Variants in PCDHGB1 observed in about 807,000 individuals in gnomAD.
The protein encoded by PCDHGB1 is protocadherin gamma subfamily B, 1, also known as protocadherin gamma-B1.
PCDHGB1 carries 34 observed loss-of-function variants against 56.6 expected under a neutral mutation model. That is an observed-to-expected ratio of 0.60 (90% CI 0.46 to 0.80). The LOEUF (loss-of-function observed/expected upper bound fraction) is 0.80, where lower values mean the gene tolerates loss of function less well. Ranked by LOEUF, PCDHGB1 falls within the 30% of genes least tolerant of loss-of-function variation. The pLI, the probability that PCDHGB1 is intolerant of heterozygous loss-of-function variation, is 0.00. For missense variants in PCDHGB1, 1,278 were observed against 1,204.6 expected, an observed-to-expected ratio of 1.06 and a Z score of -0.90; for synonymous variants, 561 against 505.9, an observed-to-expected ratio of 1.11 and a Z score of -1.46.
Position 141,351,209 on chromosome 5 carries a change from G to A in PCDHGB1, c.949G>A (p.Ala317Thr), listed in dbSNP as rs764944772. 1 of 1,614,032 alleles carries A rather than the reference G, an allele frequency of 6.2e-7. No homozygotes were observed. The highest frequency in any genetic ancestry group is 8.5e-7 in the Non-Finnish European group (1 of 1,179,896). ...ETSRYVLSVE[A>T]KDGGVHTAHC... is the part of the protein sequence containing the mutation. ...AAGTAGATATGTGTTGAGTGTGGAA[G>A]CTAAGGATGGAGGAGTACACACAGC... is the stretch of plus-strand genomic sequence containing the variant. The change falls in exon 1 of 4, where the codon GCT becomes ACT. Residue 317 changes from alanine (A) to threonine (T), a missense_variant. By Grantham distance (58) the Ala-to-Thr change is moderately conservative. Transcript: ENST00000523390.
chr5:141,477,656 C>A lies in PCDHGB1; in HGVS notation c.2410-17151C>A. ...AGTGGGTCGCTATTTCACAATAAAT[C>A]GTGACAATGGCATAGTGTCATCCTT... On this transcript the variant is annotated intron_variant, in intron 1 of 3. Transcript: ENST00000523390. The surrounding 1 kb of genome is among the most constrained non-coding windows in gnomAD (Gnocchi z 4.9). 1 of 1,614,184 alleles carries A rather than the reference C, an allele frequency of 6.2e-7. No homozygotes were observed.
At chr5:141,402,962 C>A (rs1482027682) in intron 1 of PCDHGB1, 2 of 1,604,618 alleles carry the variant, frequency 1.2e-6, no homozygotes, top group African/African-American at 2.7e-5. Flanking sequence ...AATGGCAGCT[C>A]CAACCAAATG....
chr5:141,361,244 A>C, intron 1 of PCDHGB1: 1 of 1,613,994 alleles, frequency 6.2e-7, no homozygotes, highest in Non-Finnish European at 8.5e-7. Flanking sequence ...GCCTTGATAA[A>C]AACGAGAGAC....
Position 141,423,666 on chromosome 5 carries a change from AT to A in PCDHGB1, c.2409+71000del, listed in dbSNP as rs1184681047. 2.7e-6 allele frequency: 4 copies of A among 1,494,382 alleles called. No individual in the cohort carries two copies. The South Asian group carries it at 5.0e-5, about 19-fold the overall frequency. The allele number at this position is 1,494,382 out of a possible 1,614,324, so 92.6% of individuals were successfully genotyped here. A position where few individuals can be genotyped will look rare whatever the true frequency, so the allele number is the denominator to read the frequency against. ...GTGACCCGACAAGTAATCAGGTGAGATTTATTTCTCTGCCTCCTAATTGTTG... is the reference window on the plus strand; with the variant it reads ...GTGACCCGACAAGTAATCAGGTGAGATTATTTCTCTGCCTCCTAATTGTTG... On this transcript the variant is annotated intron_variant, in intron 1 of 3. Coordinates refer to ENST00000523390, the MANE Select transcript of PCDHGB1 (RefSeq NM_018922.3).
intron 1 of PCDHGB1, chr5:141,361,499 C>G: frequency 6.2e-7 from 1 of 1,614,066 alleles, no homozygotes; most frequent in Non-Finnish European, 8.5e-7. Flanking sequence ...TTCCAACAGA[C>G]TTCCTACATG....
Position 141,490,526 on chromosome 5 carries a change from C to T in PCDHGB1, c.2410-4281C>T, listed in dbSNP as rs1270447529. 6.2e-7 allele frequency: 1 copy of T among 1,614,116 alleles called. No homozygotes were observed. Among genetic ancestry groups the T allele is most frequent in the Non-Finnish European group, 8.5e-7 (1 of 1,180,008 alleles). ...ATCATCGAGCTGCTGGCCAGCGATGCTGGTTCACCTTCCCTACACAAACAT... is the reference window on the plus strand; with the variant it reads ...ATCATCGAGCTGCTGGCCAGCGATGTTGGTTCACCTTCCCTACACAAACAT... On this transcript the variant is annotated intron_variant, in intron 1 of 3. Coordinates refer to ENST00000523390, the MANE Select transcript of PCDHGB1 (RefSeq NM_018922.3). The surrounding 1 kb of genome is among the most constrained non-coding windows in gnomAD (Gnocchi z 5.4).
At chr5:141,410,182 T>G in intron 1 of PCDHGB1, 1 of 1,613,868 alleles carries the variant, frequency 6.2e-7, no homozygotes, top group Non-Finnish European at 8.5e-7. Flanking sequence ...CCGCCACGCT[T>G]CATCTGGTCT....
intron 1 of PCDHGB1, chr5:141,375,441 C>G (rs904228732): frequency 6.2e-7 from 1 of 1,614,030 alleles, no homozygotes. Context: ...CCCACCTTCC[C>G]CCATTCATCC....
intron 1 of PCDHGB1, among the ~76,000 whole-genome samples, chr5:141,434,630 A>G (rs2097706465): frequency 6.6e-6 from 1 of 152,106 alleles, no homozygotes; most frequent in African/African-American, 2.4e-5. Flanking sequence ...CGTTTCCCAT[A>G]AGGGATACTT....
chr5:141,433,236 C>G, intron 1 of PCDHGB1: 2 of 1,501,160 alleles, frequency 1.3e-6, no homozygotes, highest in South Asian at 1.3e-5. Flanking sequence ...CTCTGTCTCC[C>G]AAGCTGGAAT....
intron 1 of PCDHGB1, chr5:141,416,406 T>C (rs2096021956): frequency 6.6e-6 from 1 of 152,224 alleles, no homozygotes; most frequent in Non-Finnish European, 1.5e-5. Flanking sequence ...TTGTCTTTTT[T>C]GTTAAATTTT....
chr5:141,510,833 C>T (rs2099882936), intron 3 of PCDHGB1, 114 bp from the exon 4 acceptor site: 46 of 1,577,678 alleles, frequency 2.9e-5, no homozygotes, highest in South Asian at 2.5e-4. Context: ...CAGTGCTCAG[C>T]GTGGTCAAGG....
chr5:141,399,469 T>G, intron 1 of PCDHGB1: 1 of 1,614,000 alleles, frequency 6.2e-7, no homozygotes. Flanking sequence ...CGCTCCGGTT[T>G]TCCACCAGGC....
At chr5:141,389,161 G>A (rs2091630816) in intron 1 of PCDHGB1, 1 of 1,613,878 alleles carries the variant, frequency 6.2e-7, no homozygotes, top group African/African-American at 1.3e-5. Flanking sequence ...ACAGATCGGG[G>A]CAAGCCTCCC....
intron 2 of PCDHGB1, among the ~76,000 whole-genome samples, chr5:141,502,253 T>C (rs1331834149): frequency 6.6e-6 from 1 of 152,232 alleles, no homozygotes; most frequent in South Asian, 2.1e-4. Context: ...TTTTTTTTAA[T>C]CCAGGATTTT....
chr5:141,486,816 C>G lies in PCDHGB1; in HGVS notation c.2410-7991C>G. The G allele has an allele frequency of 6.2e-7, 1 of 1,614,252 alleles. No individual in the cohort carries two copies. Among genetic ancestry groups the G allele is most frequent in the East Asian group, 2.2e-5 (1 of 44,884 alleles). ...CGGGGCAACCCACCCCTTAGCAGCACTGTAACAGTTCGTCTATTTGTGCTG... is the reference window on the plus strand; with the variant it reads ...CGGGGCAACCCACCCCTTAGCAGCAGTGTAACAGTTCGTCTATTTGTGCTG... On this transcript the variant is annotated intron_variant, in intron 1 of 3. Coordinates refer to ENST00000523390, the MANE Select transcript of PCDHGB1 (RefSeq NM_018922.3). The surrounding 1 kb of genome is among the most constrained non-coding windows in gnomAD (Gnocchi z 5.0).
chr5:141,410,540 G>C (rs1301173391), intron 1 of PCDHGB1: 1 of 1,613,702 alleles, frequency 6.2e-7, no homozygotes. Context: ...TGAAGACATG[G>C]TTTGCAGTGT....
At chr5:141,510,062 G>GA (rs1448334820) in intron 3 of PCDHGB1, among the ~76,000 whole-genome samples, 1 of 152,150 alleles carries the variant, frequency 6.6e-6, no homozygotes. Flanking sequence ...TTGTGCATGT[G>GA]AAGCATCCAG....
At chr5:141,454,249 C>T (rs1215688507) in intron 1 of PCDHGB1, among the ~76,000 whole-genome samples, 3 of 152,192 alleles carry the variant, frequency 2.0e-5, no homozygotes, top group Non-Finnish European at 4.4e-5. Context: ...ATGAAGATGT[C>T]CCAGAGAAAG....
Sources: allele counts gnomAD v4.1 joint callset (sites outside exome capture counted in the v4.1 genomes callset), GRCh38; gene constraint gnomAD v4.1.1; non-coding constraint Gnocchi (gnomAD v3.1); transcripts MANE v1.5; gene names NCBI Gene and HGNC (gene_info 2026-07-23, HGNC 2026-07-21).